Variants in ZNF479 observed in about 807,000 individuals in gnomAD.
The protein encoded by ZNF479 is zinc finger protein 479, also known as KRAB zinc finger protein KR19.
Under a neutral mutation model 14.7 loss-of-function variants are expected in ZNF479, and 15 were observed. The observed-to-expected ratio is 1.02, with a 90% confidence interval of 0.68 to 1.57. The LOEUF is 1.57. Among genes scored for constraint, ZNF479 ranks in the 40% most tolerant of loss-of-function variants. The pLI is 0.00. For synonymous variants in ZNF479, 145 were observed against 211.5 expected (o/e 0.69, Z 2.73); for missense variants, 506 against 615.1 (o/e 0.82, Z 1.88).
upstream of ZNF479, among the ~76,000 whole-genome samples, chr7:57,136,149 C>T (rs1045008436): frequency 5.9e-5 from 9 of 151,962 alleles, no homozygotes; most frequent in Admixed American, 1.3e-4. Context: ...TTTGGGAGGC[C>T]GAGGTGGGCG....
rs891936372 is a variant in ZNF479 at position 57,126,209 on chromosome 7, A to C, written c.167-96T>G. On this transcript the variant is annotated intron_variant, in intron 2 of 3. Transcript: ENST00000319636. Reference sequence around the variant, plus strand: ...TAGAGGATATAATAGAAAATTCTAGAAGATTAATATTGATTCATAATAGAA... The same window carrying C: ...TAGAGGATATAATAGAAAATTCTAGCAGATTAATATTGATTCATAATAGAA... 1.6e-5 allele frequency: 22 copies of C among 1,363,258 alleles called. No homozygotes were observed. In the African/African-American group the frequency reaches 3.0e-4, roughly 18 times the overall value. 84.4% of individuals were successfully genotyped at this position (1,363,258 alleles called of 1,614,324 possible).
chr7:57,119,425 T>A lies in ZNF479; in HGVS notation c.*415A>T, dbSNP rs1345659517. 3.9e-5 allele frequency among the ~76,000 whole-genome samples: 6 copies of A among 152,196 alleles called. No individual in the cohort carries two copies. Among genetic ancestry groups the A allele is most frequent in the Non-Finnish European group, 5.9e-5 (4 of 68,006 alleles). On this transcript the variant is annotated 3_prime_UTR_variant, in exon 4 of 4. Coordinates refer to ENST00000319636, the MANE Select transcript of ZNF479 (RefSeq NM_001370129.2). ...GAGTTCAAGACCATCCTGGCCAACA[T>A]GGTGAAACTCTATCTCTACTAAAAA...
In ZNF479 at chr7:57,118,607, T is replaced by C. The variant is rs553257605; in HGVS notation, c.*1233A>G. On this transcript the variant is annotated 3_prime_UTR_variant, in exon 4 of 4. Coordinates refer to ENST00000319636, the MANE Select transcript of ZNF479 (RefSeq NM_001370129.2). ...GGCTGGTCTTGAACTCCTGACCTCA[T>C]GATCCACCGACCTTGGTCTCCCAAA... Among the ~76,000 whole-genome samples the C allele has an allele frequency of 4.6e-5, 7 of 152,278 alleles. No homozygotes were observed. The highest frequency in any genetic ancestry group is 8.8e-5 in the Non-Finnish European group (6 of 68,014).
chr7:57,130,357 C>A (rs1786360712), intron 1 of ZNF479, among the ~76,000 whole-genome samples: 1 of 152,060 alleles, frequency 6.6e-6, no homozygotes, highest in Admixed American at 6.6e-5. Context: ...CCTGTAATCC[C>A]AGCTACTCCA....
At chr7:57,122,993 TAAA>T (rs1238722916) in intron 3 of ZNF479, among the ~76,000 whole-genome samples, 2 of 152,100 alleles carry the variant, frequency 1.3e-5, no homozygotes, top group Non-Finnish European at 2.9e-5. Context: ...AAAAATCAAT[TAAA>T]AAAACTGAAA....
intron 3 of ZNF479, among the ~76,000 whole-genome samples, chr7:57,125,460 T>C (rs1049818061): frequency 6.6e-6 from 1 of 151,298 alleles, no homozygotes; most frequent in African/African-American, 2.4e-5. Context: ...CCTGCTTGCA[T>C]ATCCCCCCAC....
rs770112580 is a variant in ZNF479, at chr7:57,132,348, A to C, written c.-24T>G. 6.2e-6 allele frequency: 10 copies of C among 1,614,142 alleles called. No homozygotes were observed. The highest frequency in any genetic ancestry group is 6.8e-6 in the Non-Finnish European group (8 of 1,180,006). On this transcript the variant is annotated 5_prime_UTR_variant, in exon 1 of 4. Transcript: ENST00000319636. ...ATAAATCTGCAGATACCTGCAGGAC[A>C]CAAGGACACATAGGCTTGGCCTCTA...
At chr7:57,121,770 T>C (rs1479726053) in intron 3 of ZNF479, among the ~76,000 whole-genome samples, 1 of 151,928 alleles carries the variant, frequency 6.6e-6, no homozygotes, top group East Asian at 1.9e-4. Flanking sequence ...CAAACAAAGA[T>C]TACAATGTAT....
At chr7:57,133,738 C>A (rs2115901024), upstream of ZNF479, among the ~76,000 whole-genome samples, 1 of 152,076 alleles carries the variant, frequency 6.6e-6, no homozygotes, top group African/African-American at 2.4e-5. Flanking sequence ...TGGTGACAGG[C>A]ATCTGCAATC....
chr7:57,133,862 CAAAAT>C (rs1786534947), upstream of ZNF479, among the ~76,000 whole-genome samples: 1 of 151,960 alleles, frequency 6.6e-6, no homozygotes, highest in African/African-American at 2.4e-5. Context: ...GACTCTGTCT[CAAAAT>C]AAAAAAGAAA....
At chr7:57,131,558 C>A (rs1382522308) in intron 1 of ZNF479, among the ~76,000 whole-genome samples, 1 of 134,102 alleles carries the variant, frequency 7.5e-6, no homozygotes, top group Non-Finnish European at 1.7e-5. Context: ...GCGAGACTCC[C>A]TCTCAAAAAT....
At chr7:57,126,568 A>T (rs781575752) in intron 2 of ZNF479, 24 bp downstream of exon 2, 7 of 1,596,518 alleles carry the variant, frequency 4.4e-6, no homozygotes, top group Admixed American at 1.9e-5. Flanking sequence ...TATATTAGGA[A>T]TTATGTACTG....
rs1554400105 is a variant in ZNF479, at chr7:57,120,439, T to G, written c.976A>C (p.Arg326=). 1 of 1,612,816 alleles carries G rather than the reference T, an allele frequency of 6.2e-7. No individual in the cohort carries two copies. The highest frequency in any genetic ancestry group is 1.1e-5 in the South Asian group (1 of 91,004). Residue 326 remains arginine (R), a synonymous_variant, in exon 4 of 4, where the codon AGG becomes CGG. Transcript: ENST00000319636. ...AAGGCTTTGCCACATTCCTCACACC[T>G]GCAGGGTTTCTCTCCAGTATGAATT... ...KRIHTGEKPC[R]CEECGKAFSW... is the part of the protein sequence containing the mutation.
rs1388432884 is a variant in ZNF479, at chr7:57,119,663, A to G, written c.*177T>C. The G allele has an allele frequency of 1.0e-5, 7 of 667,718 alleles. No homozygotes were observed. Among genetic ancestry groups the G allele is most frequent in the Non-Finnish European group, 1.8e-5 (7 of 391,426 alleles). The allele number at this position is 667,718 out of a possible 1,614,324, so 41.4% of individuals were successfully genotyped here. On this transcript the variant is annotated 3_prime_UTR_variant, in exon 4 of 4. Transcript: ENST00000319636. The stretch of plus-strand genomic sequence containing the variant: ...GTTTATTAAGGTTTGAGGGTTGGTT[A>G]AAGGCTTTGTTACATTTTTTTACAT...
chr7:57,130,770 T>C (rs1415990427), intron 1 of ZNF479, among the ~76,000 whole-genome samples: 2 of 152,166 alleles, frequency 1.3e-5, no homozygotes, highest in Non-Finnish European at 2.9e-5. Flanking sequence ...ACCCAGTGAA[T>C]GTAAGTTTTT....
intron 3 of ZNF479, 39 bp from the exon 4 acceptor site, chr7:57,121,191 G>A: frequency 6.2e-7 from 1 of 1,613,038 alleles, no homozygotes; most frequent in Non-Finnish European, 8.5e-7. Flanking sequence ...CCACTTTCTG[G>A]ACTCATATAA....
chr7:57,135,508 G>A (rs879941690), upstream of ZNF479, among the ~76,000 whole-genome samples: 15 of 152,206 alleles, frequency 9.9e-5, no homozygotes, highest in Admixed American at 2.6e-4. Context: ...CACCTCCCAG[G>A]TTCAACCGAT....
upstream of ZNF479, among the ~76,000 whole-genome samples, chr7:57,135,602 G>T (rs1278267701): frequency 6.6e-6 from 1 of 151,918 alleles, no homozygotes; most frequent in African/African-American, 2.4e-5. Flanking sequence ...TAGTAGAGAT[G>T]GGGTTTCACC....
At chr7:57,132,204 A>C in intron 1 of ZNF479, 82 bp downstream of exon 1, 13 of 1,612,314 alleles carry the variant, frequency 8.1e-6, no homozygotes, top group Non-Finnish European at 1.1e-5. Context: ...ACTGCAAGAA[A>C]GTCTGGGACC....
Sources: gnomAD v4.1 joint callset for allele counts (sites outside exome capture counted in the v4.1 genomes callset) on GRCh38, gnomAD v4.1.1 for gene constraint, MANE v1.5 for transcripts, NCBI Gene and HGNC (gene_info 2026-07-23, HGNC 2026-07-21) for gene names.